NBEA: variants seen among roughly 807,000 people sequenced by gnomAD.
NBEA encodes neurobeachin.
A neutral mutation model predicts 343.4 loss-of-function variants in NBEA; 44 were observed. The observed-to-expected ratio is 0.13, with a 90% CI of 0.10 to 0.16. The LOEUF is 0.16. Ranked by LOEUF, NBEA falls within the 10% of genes least tolerant of loss-of-function variation. The probability of loss-of-function intolerance (pLI) is 1.00; values close to 1 mark genes in which losing one functional copy is unlikely to be tolerated. For synonymous variants in NBEA, 1,175 were observed against 1,238.7 expected, an observed-to-expected ratio of 0.95 and a Z score of 1.08; for missense variants, 2,555 against 3,631.3, an observed-to-expected ratio of 0.70 and a Z score of 7.62.
chr13:35,014,218 AT>A (rs1022682745), intron 1 of NBEA, among the ~76,000 whole-genome samples: 19 of 152,030 alleles, frequency 1.2e-4, no homozygotes, highest in African/African-American at 4.1e-4. Context: ...CTAGTCACGT[AT>A]TTTTTATTTC....
At position 35,123,158 on chromosome 13, in the gene NBEA, A is replaced by G. The variant is rs140646794; in HGVS notation, c.2244-324A>G. On this transcript the variant is annotated intron_variant, in intron 16 of 58. Transcript: ENST00000379939. ...AAATTAAGAAAAAAGATTTTAAAAA[A>G]GAAAATAGGGTTATCAAGTTTAAAT... is the stretch of plus-strand genomic sequence containing the variant. Among the ~76,000 whole-genome samples the G allele has an allele frequency of 9.2e-5, 14 of 152,330 alleles. No individual in the cohort carries two copies. In the East Asian group the frequency reaches 2.1e-3, roughly 23 times the overall value.
intron 1 of NBEA, among the ~76,000 whole-genome samples, chr13:35,005,435 A>G (rs2061285963): frequency 6.6e-6 from 1 of 152,140 alleles, no homozygotes; most frequent in Non-Finnish European, 1.5e-5. Flanking sequence ...TACAAACATG[A>G]AGGTCATGAT....
At chr13:35,350,480 C>G (rs1041247520) in intron 37 of NBEA, among the ~76,000 whole-genome samples, 5 of 151,812 alleles carry the variant, frequency 3.3e-5, no homozygotes, top group Non-Finnish European at 7.4e-5. Context: ...TATTTTTATC[C>G]CCCACCCGAC....
At chr13:34,948,600 C>G (rs990694060) in intron 1 of NBEA, among the ~76,000 whole-genome samples, 1 of 152,104 alleles carries the variant, frequency 6.6e-6, no homozygotes, top group East Asian at 1.9e-4. Flanking sequence ...GAAGGAATCC[C>G]CAGTAACATA....
chr13:35,344,286 G>A lies in NBEA; in HGVS notation c.5904-4822G>A, dbSNP rs141425221. On this transcript the variant is annotated intron_variant, in intron 36 of 58. Transcript: ENST00000379939. ...GAAACATGAAGATAAATCTATTTGC[G>A]TAAAAGCTTATTACTTGAGAGAAAA... Among the ~76,000 whole-genome samples the A allele has an allele frequency of 4.3e-3, 648 of 152,042 alleles. 5 individuals are homozygous for A. The highest frequency in any genetic ancestry group is 0.014 in the Middle Eastern group (4 of 294).
chr13:35,144,573 T>C (rs1202577562), intron 18 of NBEA, among the ~76,000 whole-genome samples: 2 of 151,832 alleles, frequency 1.3e-5, no homozygotes, highest in African/African-American at 4.8e-5. Flanking sequence ...CTGCCTGGAG[T>C]TTTTTGTTCT....
chr13:35,282,021 T>C (rs1415927812), intron 34 of NBEA, among the ~76,000 whole-genome samples: 1 of 151,770 alleles, frequency 6.6e-6, no homozygotes, highest in African/African-American at 2.4e-5. Flanking sequence ...CACTCCATTC[T>C]CCTGCCTCAG....
chr13:35,251,588 A>G, intron 34 of NBEA: 1 of 1,219,052 alleles, frequency 8.2e-7, no homozygotes, highest in Non-Finnish European at 1.0e-6. Flanking sequence ...GAAGCAGTGG[A>G]AGCCAAACAG....
intron 16 of NBEA, among the ~76,000 whole-genome samples, chr13:35,123,067 G>C (rs573990036): frequency 1.3e-5 from 2 of 152,100 alleles, no homozygotes; most frequent in Non-Finnish European, 2.9e-5. Context: ...CGAGGTGGTC[G>C]AATCGTTTAA....
intron 41 of NBEA, among the ~76,000 whole-genome samples, chr13:35,539,393 A>T (rs12431302): frequency 0.046 from 7,072 of 152,252 alleles, 174 homozygotes; most frequent in East Asian, 0.067. Flanking sequence ...ACTGGGGAGC[A>T]GAGAAGTGTT....
chr13:35,114,749 A>C (rs766872848), intron 13 of NBEA, among the ~76,000 whole-genome samples: 2 of 152,156 alleles, frequency 1.3e-5, no homozygotes, highest in Non-Finnish European at 2.9e-5. Context: ...AAGTGGAATC[A>C]GCATTTATTT....
At chr13:35,072,000 T>G (rs953355255) in intron 10 of NBEA, among the ~76,000 whole-genome samples, 10 of 152,146 alleles carry the variant, frequency 6.6e-5, no homozygotes, top group African/African-American at 2.2e-4. Context: ...ATCCTGAGGT[T>G]ATGTCCTGCT....
intron 1 of NBEA, among the ~76,000 whole-genome samples, chr13:35,019,586 A>G (rs1014268786): frequency 1.1e-4 from 16 of 152,188 alleles, no homozygotes; most frequent in Non-Finnish European, 1.8e-4. Flanking sequence ...TAGAATTGAT[A>G]GTAATTCTCT....
intron 44 of NBEA, among the ~76,000 whole-genome samples, chr13:35,565,698 C>T (rs75002114): frequency 0.058 from 8,899 of 152,170 alleles, 359 homozygotes; most frequent in Middle Eastern, 0.11. Context: ...CTTAATTTCA[C>T]CTGATCATGT....
intron 28 of NBEA, among the ~76,000 whole-genome samples, chr13:35,179,339 T>C (rs2071141423): frequency 6.6e-6 from 1 of 151,542 alleles, no homozygotes; most frequent in Non-Finnish European, 1.5e-5. Flanking sequence ...AGGTACACCA[T>C]GGCAACACTT....
intron 49 of NBEA, among the ~76,000 whole-genome samples, chr13:35,630,101 A>T (rs2083388965): frequency 6.6e-6 from 1 of 152,212 alleles, no homozygotes; most frequent in African/African-American, 2.4e-5. Flanking sequence ...TACATTAAGC[A>T]TCTTATATGT....
intron 47 of NBEA, among the ~76,000 whole-genome samples, chr13:35,602,828 C>T (rs539950695): frequency 1.3e-5 from 2 of 152,204 alleles, no homozygotes; most frequent in South Asian, 4.1e-4. Context: ...TTCCTCCTGC[C>T]CTTCTAAAGA....
At position 35,644,050 on chromosome 13, in the gene NBEA, A is replaced by T. The variant is rs1236944943; in HGVS notation, c.7618-1819A>T. Among the ~76,000 whole-genome samples the T allele has an allele frequency of 2.6e-5, 4 of 152,182 alleles. No homozygotes were observed. The East Asian group carries it at 7.7e-4, about 29-fold the overall frequency. On this transcript the variant is annotated intron_variant, in intron 49 of 58. Coordinates refer to ENST00000379939, the MANE Select transcript of NBEA (RefSeq NM_001385012.1). ...CAGCATGCTTTTCAAGATCAGAAAGATCTGTACATTTTTAAATCAGAGGGT... is the reference window on the plus strand; with the variant it reads ...CAGCATGCTTTTCAAGATCAGAAAGTTCTGTACATTTTTAAATCAGAGGGT...
chr13:35,111,913 CTT>C (rs773135374), intron 13 of NBEA, among the ~76,000 whole-genome samples: 2 of 122,746 alleles, frequency 1.6e-5, no homozygotes, highest in Non-Finnish European at 3.3e-5. Context: ...TAACACTTTC[CTT>C]TTTTTTTTTT....
Sources: allele counts gnomAD v4.1 joint callset (sites outside exome capture counted in the v4.1 genomes callset), GRCh38; gene constraint gnomAD v4.1.1; transcripts MANE v1.5; gene names NCBI Gene and HGNC (gene_info 2026-07-23, HGNC 2026-07-21).